The following CFAP20DC variants were observed in gnomAD, a reference collection of about 807,000 sequenced individuals.
The protein encoded by CFAP20DC is CFAP20 domain containing.
A neutral mutation model predicts 101.7 loss-of-function variants in CFAP20DC; 84 were observed. That is an observed-to-expected ratio of 0.83 (90% confidence interval 0.69 to 0.99). The LOEUF (loss-of-function observed/expected upper bound fraction) is 0.99. CFAP20DC is among the 50% of genes least tolerant of loss of function. CFAP20DC has a pLI of 0.00. For synonymous variants in CFAP20DC, 359 were observed against 351.2 expected, an observed-to-expected ratio of 1.02 and a Z score of -0.25; for missense variants, 1,007 against 970.3, an observed-to-expected ratio of 1.04 and a Z score of -0.50.
chr3:58,807,012 G>A (rs577503379), intron 14 of CFAP20DC, among the ~76,000 whole-genome samples: 2 of 152,296 alleles, frequency 1.3e-5, no homozygotes, highest in Non-Finnish European at 2.9e-5. Context: ...AGTGAGGCTG[G>A]GGGAGGGGTG....
chr3:58,820,901 A>C (rs562300199), intron 14 of CFAP20DC, among the ~76,000 whole-genome samples: 99 of 150,444 alleles, frequency 6.6e-4, no homozygotes, highest in African/African-American at 2.3e-3. Context: ...CTATACTACA[A>C]GGCTACAGTA....
chr3:59,030,809 T>TTTG (rs940350497), intron 4 of CFAP20DC, among the ~76,000 whole-genome samples: 2 of 152,132 alleles, frequency 1.3e-5, no homozygotes, highest in Non-Finnish European at 2.9e-5. Flanking sequence ...CTTTAAGTTT[T>TTTG]TTTTTGTTTT....
At chr3:58,952,857 C>G (rs2090272385) in intron 4 of CFAP20DC, among the ~76,000 whole-genome samples, 2 of 151,980 alleles carry the variant, frequency 1.3e-5, no homozygotes, top group Non-Finnish European at 2.9e-5. Context: ...TTTTGAAGCC[C>G]TACCAGAGTT....
chr3:58,859,600 G>C lies in CFAP20DC; in HGVS notation c.1593+3958C>G, dbSNP rs944758492. The stretch of plus-strand genomic sequence containing the variant: ...ACTTTTTCAGAGAAGAGCTTCAATA[G>C]ATAATAATAAAGACATGTAGATGTG... On this transcript the variant is annotated intron_variant, in intron 12 of 16. Transcript: ENST00000482387. The surrounding 1 kb of genome is among the most constrained non-coding windows in gnomAD (Gnocchi z 4.1). Among the ~76,000 whole-genome samples, 2 of 152,078 alleles carry C rather than the reference G, an allele frequency of 1.3e-5. No individual in the cohort carries two copies. The highest frequency in any genetic ancestry group is 3.9e-4 in the East Asian group (2 of 5,188).
intron 4 of CFAP20DC, among the ~76,000 whole-genome samples, chr3:59,010,610 T>A (rs2093560102): frequency 6.6e-6 from 1 of 152,098 alleles, no homozygotes; most frequent in Admixed American, 6.6e-5. Context: ...ACAATAATAA[T>A]GGGGGACTTT....
At position 58,913,848 on chromosome 3, in the gene CFAP20DC, A is replaced by G. The variant is rs920274320; in HGVS notation, c.410T>C (p.Ile137Thr). The G allele has an allele frequency of 1.9e-6, 3 of 1,613,526 alleles. No homozygotes were observed. Among genetic ancestry groups the G allele is most frequent in the South Asian group, 1.1e-5 (1 of 91,066 alleles). Reference protein sequence around the residue: ...IKRKIWCNLCIDLVAFTSEIF... With the variant: ...IKRKIWCNLCTDLVAFTSEIF... ...TTCACTGGTGAATGCTACTAAGTCA[A>G]TGCATAGATTGCACCACTAAAATAG... Residue 137 changes from isoleucine (I) to threonine (T), a missense_variant, in exon 6 of 17, where the codon ATT becomes ACT. Ile to Thr is a moderately conservative substitution (Grantham distance 89, BLOSUM62 -1). Coordinates refer to ENST00000482387, the MANE Select transcript of CFAP20DC (RefSeq NM_001394063.1). The surrounding 1 kb of genome is among the most constrained non-coding windows in gnomAD (Gnocchi z 4.4).
chr3:58,850,866 A>G (rs1275904841), intron 12 of CFAP20DC, among the ~76,000 whole-genome samples: 1 of 152,120 alleles, frequency 6.6e-6, no homozygotes, highest in Non-Finnish European at 1.5e-5. Flanking sequence ...TGACTGATTG[A>G]ACTGTTCAAT....
intron 14 of CFAP20DC, among the ~76,000 whole-genome samples, chr3:58,821,543 A>G (rs1338189841): frequency 6.6e-6 from 1 of 151,168 alleles, no homozygotes; most frequent in Middle Eastern, 3.4e-3. Context: ...CACATGAAAA[A>G]ATGCTCATCA....
At chr3:58,760,580 G>A (rs1002627805) in intron 15 of CFAP20DC, among the ~76,000 whole-genome samples, 28 of 152,120 alleles carry the variant, frequency 1.8e-4, no homozygotes, top group Non-Finnish European at 3.4e-4. Flanking sequence ...TGTTGAATAG[G>A]AGTGGTGAGA....
In CFAP20DC at chr3:58,888,129, G is replaced by A. The variant is rs138982547; in HGVS notation, c.551-3420C>T. ...AGTCATTGTATTTTTAGCATATACAGCTTAATTTTAAAATAAAGGTGAAGT... is the reference window on the plus strand; with the variant it reads ...AGTCATTGTATTTTTAGCATATACAACTTAATTTTAAAATAAAGGTGAAGT... On this transcript the variant is annotated intron_variant, in intron 6 of 16. Coordinates refer to ENST00000482387, the MANE Select transcript of CFAP20DC (RefSeq NM_001394063.1). Among the ~76,000 whole-genome samples the A allele has an allele frequency of 5.9e-5, 9 of 152,266 alleles. No homozygotes were observed. In the East Asian group the frequency reaches 1.7e-3, roughly 29 times the overall value.
intron 15 of CFAP20DC, among the ~76,000 whole-genome samples, chr3:58,803,324 A>G (rs1489137380): frequency 6.6e-6 from 1 of 152,182 alleles, no homozygotes; most frequent in African/African-American, 2.4e-5. Context: ...GAGCCTCCAT[A>G]CCAGAATTTT....
chr3:59,038,578 G>C (rs2094144150), intron 4 of CFAP20DC, among the ~76,000 whole-genome samples: 1 of 152,130 alleles, frequency 6.6e-6, no homozygotes, highest in Non-Finnish European at 1.5e-5. Context: ...AACAGCATGT[G>C]CTCACTTTGT....
At chr3:58,994,325 T>C (rs1489195479) in intron 4 of CFAP20DC, among the ~76,000 whole-genome samples, 1 of 152,210 alleles carries the variant, frequency 6.6e-6, no homozygotes, top group East Asian at 1.9e-4. Context: ...CTTCTGAGAT[T>C]CATTACAGAT....
chr3:58,949,456 T>C (rs916743609), intron 4 of CFAP20DC, among the ~76,000 whole-genome samples: 1 of 152,166 alleles, frequency 6.6e-6, no homozygotes, highest in African/African-American at 2.4e-5. Flanking sequence ...CTGCTTTGAA[T>C]GCGTCCCAGA....
At chr3:58,761,411 T>A (rs1376508763) in intron 15 of CFAP20DC, among the ~76,000 whole-genome samples, 1 of 152,236 alleles carries the variant, frequency 6.6e-6, no homozygotes, top group Non-Finnish European at 1.5e-5. Flanking sequence ...TTGCACCTAT[T>A]TGATTCTTCT....
chr3:58,853,776 A>G (rs2078483551), intron 12 of CFAP20DC, among the ~76,000 whole-genome samples: 1 of 152,236 alleles, frequency 6.6e-6, no homozygotes, highest in South Asian at 2.1e-4. Context: ...CTTAGACAAA[A>G]TTCAACAACG....
At chr3:58,755,667 C>CTCT (rs2068894730) in intron 15 of CFAP20DC, among the ~76,000 whole-genome samples, 1 of 152,120 alleles carries the variant, frequency 6.6e-6, no homozygotes, top group Non-Finnish European at 1.5e-5. Flanking sequence ...AAATACAGGG[C>CTCT]TCTTCTTTTT....
chr3:58,746,253 T>G (rs1350231756), intron 16 of CFAP20DC, among the ~76,000 whole-genome samples: 2 of 152,306 alleles, frequency 1.3e-5, no homozygotes, highest in East Asian at 3.9e-4. Context: ...AGGTGTAATG[T>G]TTAAATCACA....
intron 4 of CFAP20DC, among the ~76,000 whole-genome samples, chr3:58,979,620 A>C (rs866075090): frequency 6.6e-6 from 1 of 152,160 alleles, no homozygotes; most frequent in African/African-American, 2.4e-5. Context: ...TCTAAAGTAT[A>C]TTGATCCTAC....
Sources: gnomAD v4.1 joint callset for allele counts (sites outside exome capture counted in the v4.1 genomes callset) on GRCh38, gnomAD v4.1.1 for gene constraint, Gnocchi (gnomAD v3.1) non-coding constraint, MANE v1.5 for transcripts, NCBI Gene and HGNC (gene_info 2026-07-23, HGNC 2026-07-21) for gene names.